DNAH11: variants seen among roughly 807,000 people sequenced by gnomAD.
DNAH11 encodes the protein axonemal beta dynein heavy chain 11.
A neutral mutation model predicts 526.0 loss-of-function variants in DNAH11; 442 were observed. The observed-to-expected ratio is 0.84, with a 90% confidence interval of 0.78 to 0.91. DNAH11 has a LOEUF of 0.91. DNAH11 is among the 40% of genes least tolerant of loss of function. DNAH11 has a pLI of 0.00. For synonymous variants in DNAH11, 2,461 were observed against 1,935.9 expected (o/e 1.27, Z -7.12); for missense variants, 6,989 against 5,448.7 (o/e 1.28, Z -8.90).
intron 30 of DNAH11, among the ~76,000 whole-genome samples, chr7:21,679,489 C>A (rs981014830): frequency 1.3e-5 from 2 of 152,116 alleles, no homozygotes; most frequent in African/African-American, 4.8e-5. Context: ...ACGTTGTATA[C>A]CTTAAACGTA....
chr7:21,897,422 A>C (rs1374876792), intron 79 of DNAH11, among the ~76,000 whole-genome samples: 2 of 136,174 alleles, frequency 1.5e-5, no homozygotes, highest in African/African-American at 5.2e-5. Flanking sequence ...TGCCGTGGAG[A>C]TGTCAAAAGC....
intron 65 of DNAH11, among the ~76,000 whole-genome samples, chr7:21,827,180 C>T (rs1184710145): frequency 6.6e-6 from 1 of 152,188 alleles, no homozygotes; most frequent in African/African-American, 2.4e-5. Flanking sequence ...CATAAAATGG[C>T]CACAGGCCGA....
intron 61 of DNAH11, among the ~76,000 whole-genome samples, chr7:21,799,664 T>TTAGATCACCAGATTATCTAGATG (rs1788881905): frequency 6.6e-6 from 1 of 152,202 alleles, no homozygotes; most frequent in Non-Finnish European, 1.5e-5. Context: ...TAACTGGTGA[T>TTAGATCACCAGATTATCTAGATG]GTATAATATC....
intron 28 of DNAH11, among the ~76,000 whole-genome samples, chr7:21,646,246 A>G (rs1415197809): frequency 1.3e-5 from 2 of 152,210 alleles, no homozygotes; most frequent in African/African-American, 4.8e-5. Context: ...AGGATGGCCA[A>G]GATGAAATAA....
At chr7:21,556,925 G>A (rs1416522699) in intron 2 of DNAH11, among the ~76,000 whole-genome samples, 2 of 152,060 alleles carry the variant, frequency 1.3e-5, no homozygotes, top group Admixed American at 6.5e-5. Context: ...GCTGGGCATG[G>A]TGGCACATGC....
chr7:21,748,522 A>G, intron 51 of DNAH11, 58 bp from the exon 52 acceptor site: 1 of 1,376,790 alleles, frequency 7.3e-7, no homozygotes, highest in East Asian at 2.6e-5. Flanking sequence ...TAAACAGAAC[A>G]GACATAGTCC....
chr7:21,661,229 T>A (rs1185545976), intron 30 of DNAH11, among the ~76,000 whole-genome samples: 2 of 152,118 alleles, frequency 1.3e-5, no homozygotes, highest in Non-Finnish European at 2.9e-5. Flanking sequence ...TTTCAGATCT[T>A]AATTAGATTT....
At chr7:21,825,599 C>G (rs992041005) in intron 65 of DNAH11, among the ~76,000 whole-genome samples, 2 of 150,872 alleles carry the variant, frequency 1.3e-5, no homozygotes, top group African/African-American at 4.9e-5. Context: ...CTTCCTATGA[C>G]GAACTATTCC....
Position 21,635,839 on chromosome 7 carries a change from C to T in DNAH11, c.4501-32C>T, listed in dbSNP as rs1194513690. 2.6e-6 allele frequency: 4 copies of T among 1,545,384 alleles called. No homozygotes were observed. In the East Asian group the frequency reaches 9.2e-5, roughly 36 times the overall value. On this transcript the variant is annotated intron_variant, in intron 25 of 81. Transcript: ENST00000409508. ...AGCACTCACATTCTACTAAATTTAG[C>T]TACTATTTAAAATTCTTTGCCTTTA...
At chr7:21,802,030 A>G (rs1369760866) in intron 62 of DNAH11, among the ~76,000 whole-genome samples, 3 of 152,224 alleles carry the variant, frequency 2.0e-5, no homozygotes, top group South Asian at 2.1e-4. Context: ...AACGTCTTCA[A>G]CTTTGTTTTC....
intron 65 of DNAH11, 67 bp downstream of exon 65, chr7:21,818,406 C>A: frequency 6.5e-7 from 1 of 1,537,802 alleles, no homozygotes; most frequent in Non-Finnish European, 8.8e-7. Flanking sequence ...CATCTCTTAG[C>A]TTCATAGTCA....
At chr7:21,767,648 T>A (rs540085266) in intron 55 of DNAH11, among the ~76,000 whole-genome samples, 6 of 152,324 alleles carry the variant, frequency 3.9e-5, no homozygotes, top group African/African-American at 1.4e-4. Context: ...ATGATTTCAT[T>A]TCAGTGCAAG....
chr7:21,765,251 G>A (rs1201508772), intron 54 of DNAH11, among the ~76,000 whole-genome samples, 177 bp from the exon 55 acceptor site: 1 of 152,150 alleles, frequency 6.6e-6, no homozygotes, highest in Non-Finnish European at 1.5e-5. Context: ...AGCCTCTTTG[G>A]ACAGGTTTCC....
At chr7:21,659,165 C>G (rs1782142500) in intron 30 of DNAH11, 134 bp downstream of exon 30, 1 of 748,692 alleles carries the variant, frequency 1.3e-6, no homozygotes, top group African/African-American at 1.8e-5. Flanking sequence ...TTTTAGCAAT[C>G]AGTTGTTAAA....
intron 65 of DNAH11, among the ~76,000 whole-genome samples, chr7:21,826,620 T>C (rs1790311678): frequency 6.6e-6 from 1 of 152,158 alleles, no homozygotes; most frequent in Non-Finnish European, 1.5e-5. Context: ...CCTATGTGAC[T>C]ATCTCTGTGT....
intron 62 of DNAH11, among the ~76,000 whole-genome samples, chr7:21,806,610 G>T (rs1789273230): frequency 6.6e-6 from 1 of 152,142 alleles, no homozygotes; most frequent in Non-Finnish European, 1.5e-5. Context: ...GTTTTCTGTG[G>T]TCAATCTACT....
chr7:21,849,764 C>T (rs375304078), intron 66 of DNAH11, among the ~76,000 whole-genome samples: 13 of 152,056 alleles, frequency 8.5e-5, no homozygotes, highest in African/African-American at 2.2e-4. Flanking sequence ...TGATATTATG[C>T]GGTTTGAATA....
intron 20 of DNAH11, among the ~76,000 whole-genome samples, chr7:21,613,175 C>T (rs1191896886): frequency 1.3e-5 from 2 of 152,098 alleles, no homozygotes; most frequent in African/African-American, 4.8e-5. Flanking sequence ...TCACACACAT[C>T]ATCATGAATA....
At chr7:21,616,706 T>TA (rs1468057120) in intron 22 of DNAH11, among the ~76,000 whole-genome samples, 3 of 152,196 alleles carry the variant, frequency 2.0e-5, no homozygotes, top group African/African-American at 7.2e-5. Flanking sequence ...CCTCTGGATT[T>TA]ATGCGGAATA....
Sources: gnomAD v4.1 joint callset for allele counts (sites outside exome capture counted in the v4.1 genomes callset) on GRCh38, gnomAD v4.1.1 for gene constraint, MANE v1.5 for transcripts, NCBI Gene and HGNC (gene_info 2026-07-23, HGNC 2026-07-21) for gene names.